ADAMTSL1: variants seen among roughly 807,000 people sequenced by gnomAD.
The protein encoded by ADAMTSL1 is ADAMTS-like protein 1.
A neutral mutation model predicts 201.8 loss-of-function variants in ADAMTSL1; 126 were observed. That is an observed-to-expected ratio of 0.62 (90% CI 0.54 to 0.72). ADAMTSL1 has a LOEUF of 0.72. Ranked by LOEUF, ADAMTSL1 falls within the 30% of genes least tolerant of loss-of-function variation. The pLI is 0.00. For missense variants in ADAMTSL1, 2,679 were observed against 2,277.8 expected, an observed-to-expected ratio of 1.18 and a Z score of -3.59; for synonymous variants, 1,121 against 903.4, an observed-to-expected ratio of 1.24 and a Z score of -4.32.
intron 2 of ADAMTSL1, among the ~76,000 whole-genome samples, chr9:18,191,302 C>T (rs1388805313): frequency 6.6e-6 from 1 of 152,140 alleles, no homozygotes; most frequent in African/African-American, 2.4e-5. Context: ...TGATGTGCTT[C>T]AGCACTCCAG....
In ADAMTSL1 at chr9:18,826,359, C is replaced by T. The variant is rs1358541018; in HGVS notation, c.4010C>T (p.Ser1337Phe). 5 of 1,613,560 alleles carry T rather than the reference C, an allele frequency of 3.1e-6. No individual in the cohort carries two copies. In the African/African-American group the frequency reaches 4.0e-5, roughly 13 times the overall value. ...LGSPHHLHEG[S>F]LLLTNVSSSD... ...TCCCCGCACCATCTGCACGAAGGCT[C>T]CTTGCTGCTCACAAACGTGTCCTCC... The change falls in exon 22 of 29, where the codon TCC becomes TTC. Residue 1337 changes from serine to phenylalanine, a missense_variant. By Grantham distance (155) the Ser-to-Phe change is radical. Coordinates refer to ENST00000380548, the MANE Select transcript of ADAMTSL1 (RefSeq NM_001040272.6).
intron 4 of ADAMTSL1, among the ~76,000 whole-genome samples, chr9:18,582,976 C>T (rs1041233443): frequency 2.0e-5 from 3 of 152,168 alleles, no homozygotes; most frequent in Non-Finnish European, 4.4e-5. Context: ...TGGCTATCAC[C>T]TTCTGCAATG....
rs138130039 is a variant in ADAMTSL1, at chr9:18,041,864, G to T, written c.88-121998G>T. ...TTCAACAGAGTAGTACATACTTTAT[G>T]TCTTTGCTATTCATACATCTGATTT... is the stretch of plus-strand genomic sequence containing the variant. On this transcript the variant is annotated intron_variant, in intron 1 of 29. Coordinates refer to the ADAMTSL1 transcript ENST00000680146. Among the ~76,000 whole-genome samples the T allele has an allele frequency of 2.0e-4, 30 of 152,194 alleles. No homozygotes were observed. The East Asian group carries it at 3.7e-3, about 19-fold the overall frequency.
rs561639552 is a variant in ADAMTSL1, at chr9:18,285,274, C to G, written c.207+121293C>G. Among the ~76,000 whole-genome samples, 6 of 152,200 alleles carry G rather than the reference C, an allele frequency of 3.9e-5. No individual in the cohort carries two copies. The East Asian group carries it at 5.8e-4, about 15-fold the overall frequency. ...TCATAATAGCATTTATTGAATTTTA[C>G]TATATTCCCTGTGCTATGCTGAATA... On this transcript the variant is annotated intron_variant, in intron 2 of 29. Transcript: ENST00000680146.
intron 2 of ADAMTSL1, among the ~76,000 whole-genome samples, chr9:18,525,352 C>T (rs1274836414): frequency 6.6e-6 from 1 of 152,056 alleles, no homozygotes; most frequent in Non-Finnish European, 1.5e-5. Context: ...ATTACTCTTG[C>T]TAGTGGTCTA....
intron 2 of ADAMTSL1, among the ~76,000 whole-genome samples, chr9:18,520,262 C>A (rs12336626): frequency 0.54 from 82,353 of 151,946 alleles, 23,019 homozygotes; most frequent in East Asian, 0.79. Context: ...GATCAAACAA[C>A]CAGAGAGGAT....
chr9:17,988,035 T>C (rs1200389112), intron 1 of ADAMTSL1, among the ~76,000 whole-genome samples: 1 of 152,082 alleles, frequency 6.6e-6, no homozygotes, highest in African/African-American at 2.4e-5. Context: ...TTAATTTAGT[T>C]CTGTGATTTT....
At chr9:18,370,075 T>A (rs971555036) in intron 2 of ADAMTSL1, among the ~76,000 whole-genome samples, 3 of 151,314 alleles carry the variant, frequency 2.0e-5, no homozygotes, top group Non-Finnish European at 4.4e-5. Context: ...AGATGAGGAG[T>A]TTGAGACCAG....
Position 18,681,693 on chromosome 9 carries a change from C to CGTGT in ADAMTSL1, c.1342-117_1342-114dup, listed in dbSNP as rs1350885896. On this transcript the variant is annotated intron_variant, in intron 11 of 28. Coordinates refer to ENST00000380548, the MANE Select transcript of ADAMTSL1 (RefSeq NM_001040272.6). Reference sequence around the variant, plus strand: ...GTGGTATAAATTTACCAGGAGTCCTCGTGTGGGGGGGGGGGGCGGGGAAAA... The same window carrying CGTGT: ...GTGGTATAAATTTACCAGGAGTCCTCGTGTGTGTGGGGGGGGGGGGCGGGGAAAA... 270 of 293,350 alleles carry CGTGT rather than the reference C, an allele frequency of 9.2e-4. 2 individuals are homozygous for CGTGT. Among genetic ancestry groups the CGTGT allele is most frequent in the African/African-American group, 2.1e-3 (22 of 10,724 alleles). 18.2% of individuals were successfully genotyped at this position (293,350 alleles called of 1,614,324 possible). A position where few individuals can be genotyped will look rare whatever the true frequency, so the allele number is the denominator to read the frequency against.
At chr9:18,905,478 A>T in intron 26 of ADAMTSL1, 1 of 362,108 alleles carries the variant, frequency 2.8e-6, no homozygotes, top group Non-Finnish European at 5.2e-6. Context: ...CATTCCTAGC[A>T]TATTATGCCA....
chr9:18,026,242 T>C (rs1220331968), intron 1 of ADAMTSL1, among the ~76,000 whole-genome samples: 1 of 152,102 alleles, frequency 6.6e-6, no homozygotes, highest in Non-Finnish European at 1.5e-5. Context: ...TCCAGTACTG[T>C]AATACATAGA....
chr9:17,921,123 G>A (rs903137190), intron 1 of ADAMTSL1, among the ~76,000 whole-genome samples: 24 of 152,116 alleles, frequency 1.6e-4, no homozygotes, highest in Non-Finnish European at 2.8e-4. Context: ...CTCTTGGGTT[G>A]TTCATCATCT....
chr9:18,338,691 A>G (rs1789823864), intron 2 of ADAMTSL1, among the ~76,000 whole-genome samples: 1 of 152,154 alleles, frequency 6.6e-6, no homozygotes, highest in South Asian at 2.1e-4. Context: ...TGCATGCTGC[A>G]GGAGCTTGAT....
At chr9:18,202,421 G>A (rs556808967) in intron 2 of ADAMTSL1, among the ~76,000 whole-genome samples, 1 of 152,304 alleles carries the variant, frequency 6.6e-6, no homozygotes, top group South Asian at 2.1e-4. Flanking sequence ...TCAATCTTCA[G>A]TGGAGCTGGT....
intron 1 of ADAMTSL1, among the ~76,000 whole-genome samples, chr9:18,088,640 T>C (rs7037718): frequency 0.02 from 3,035 of 152,276 alleles, 100 homozygotes; most frequent in African/African-American, 0.069. Flanking sequence ...TCAGTGTCGG[T>C]AATCATCAGG....
At chr9:18,333,247 T>G (rs2132921176) in intron 2 of ADAMTSL1, among the ~76,000 whole-genome samples, 1 of 152,334 alleles carries the variant, frequency 6.6e-6, no homozygotes, top group South Asian at 2.1e-4. Flanking sequence ...AATTTCTGTG[T>G]ATCTTGGGAG....
At chr9:18,294,666 C>CA (rs1218473586) in intron 2 of ADAMTSL1, among the ~76,000 whole-genome samples, 1 of 152,196 alleles carries the variant, frequency 6.6e-6, no homozygotes, top group African/African-American at 2.4e-5. Flanking sequence ...GGAAAGCTCT[C>CA]AGTCTTCAGA....
chr9:17,995,924 TG>T (rs1819357660), intron 1 of ADAMTSL1, among the ~76,000 whole-genome samples: 9 of 152,044 alleles, frequency 5.9e-5, no homozygotes, highest in Non-Finnish European at 1.2e-4. Flanking sequence ...ATCTCTAAAA[TG>T]ACACAGTCCG....
chr9:18,201,583 C>T (rs146806310), intron 2 of ADAMTSL1, among the ~76,000 whole-genome samples: 2 of 152,020 alleles, frequency 1.3e-5, no homozygotes, highest in African/African-American at 2.4e-5. Flanking sequence ...GGTTAAAAAA[C>T]TTTTCATCTT....
Sources: allele counts gnomAD v4.1 joint callset (sites outside exome capture counted in the v4.1 genomes callset), GRCh38; gene constraint gnomAD v4.1.1; transcripts MANE v1.5; gene names NCBI Gene and HGNC (gene_info 2026-07-23, HGNC 2026-07-21).